PITPNM2: variants seen among roughly 807,000 people sequenced by gnomAD.
The protein encoded by PITPNM2 is phosphatidylinositol transfer protein membrane associated 2.
Under a neutral mutation model 132.2 loss-of-function variants are expected in PITPNM2, and 35 were observed. That is an observed-to-expected ratio of 0.26 (90% CI 0.20 to 0.35). The LOEUF (loss-of-function observed/expected upper bound fraction) is 0.35, where lower values mean the gene tolerates loss of function less well. PITPNM2 is among the 10% of genes least tolerant of loss of function. PITPNM2 has a pLI of 1.00. For missense variants in PITPNM2, 1,332 were observed against 1,912.0 expected, an observed-to-expected ratio of 0.70 and a Z score of 5.66; for synonymous variants, 738 against 799.2, an observed-to-expected ratio of 0.92 and a Z score of 1.29.
intron 1 of PITPNM2, among the ~76,000 whole-genome samples, chr12:123,146,141 C>T (rs1220387613): frequency 6.6e-6 from 1 of 151,986 alleles, no homozygotes; most frequent in Non-Finnish European, 1.5e-5. Flanking sequence ...GTAACACACA[C>T]TGGGACTTAT....
rs184909833 is a variant in PITPNM2, at chr12:123,097,105, C to T, written c.-96+13280G>A. Among the ~76,000 whole-genome samples, 299 of 152,212 alleles carry T rather than the reference C, an allele frequency of 2.0e-3. No individual in the cohort carries two copies. The highest frequency in any genetic ancestry group is 3.5e-3 in the Non-Finnish European group (239 of 68,008). On this transcript the variant is annotated intron_variant, in intron 2 of 25. Coordinates refer to ENST00000320201, the MANE Select transcript of PITPNM2 (RefSeq NM_020845.3). The surrounding 1 kb of genome is among the most constrained non-coding windows in gnomAD (Gnocchi z 4.7). ...TCGCCCAGGTTTGAGTGCAGTGGCA[C>T]GATCTTGGCTTGCTGCAACCTCTTC... is the stretch of plus-strand genomic sequence containing the variant.
At chr12:123,052,937 A>T (rs1422975811) in intron 2 of PITPNM2, among the ~76,000 whole-genome samples, 1 of 152,018 alleles carries the variant, frequency 6.6e-6, no homozygotes, top group African/African-American at 2.4e-5. Context: ...CTGGGGTACA[A>T]TGTCACCATC....
rs146884535 is a variant in PITPNM2 at position 122,995,505 on chromosome 12, G to A, written c.1938C>T (p.Val646=). 3.9e-4 allele frequency: 637 copies of A among 1,613,624 alleles called. 1 individual carries two copies. The highest frequency in any genetic ancestry group is 4.9e-4 in the Non-Finnish European group (581 of 1,180,012). ...ESSRHLSRSN[V]DIPRSNGTED... ...CAGTGCCGTTGCTGCGGGGGATGTC[G>A]ACGTTGCTTCGGCTCAGGTGCCGAC... The change falls in exon 14 of 26, where the codon GTC becomes GTT. Residue 646 remains valine, a synonymous_variant. Coordinates refer to ENST00000320201, the MANE Select transcript of PITPNM2 (RefSeq NM_020845.3).
At chr12:123,105,151 T>A (rs1227721273) in intron 2 of PITPNM2, among the ~76,000 whole-genome samples, 1 of 152,116 alleles carries the variant, frequency 6.6e-6, no homozygotes, top group Non-Finnish European at 1.5e-5. Flanking sequence ...CTCCTTCAGG[T>A]CTTCGCCTAA....
chr12:123,104,350 C>T (rs1278920202), intron 2 of PITPNM2, among the ~76,000 whole-genome samples: 2 of 152,226 alleles, frequency 1.3e-5, no homozygotes, highest in Non-Finnish European at 2.9e-5. Context: ...GTGACTTGCA[C>T]CTATACGCCC....
chr12:123,014,396 G>T (rs983558788), intron 3 of PITPNM2, among the ~76,000 whole-genome samples: 1 of 152,204 alleles, frequency 6.6e-6, no homozygotes, highest in African/African-American at 2.4e-5. Context: ...AAAGCAATTA[G>T]ACAAGAAAAG....
rs1198648430 is a variant in PITPNM2, at chr12:123,023,025, C to T, written c.79-8983G>A. 6.6e-6 allele frequency among the ~76,000 whole-genome samples: 1 copy of T among 152,220 alleles called. No homozygotes were observed. The highest frequency in any genetic ancestry group is 6.5e-5 in the Admixed American group (1 of 15,282). ...GGCATGACTCTGTCTCCTGGCTGGG[C>T]CAGCAGCTTCTCCTGCCCATTAGCC... is the stretch of plus-strand genomic sequence containing the variant. On this transcript the variant is annotated intron_variant, in intron 3 of 25. Transcript: ENST00000320201. The surrounding 1 kb of genome is among the most constrained non-coding windows in gnomAD (Gnocchi z 4.8).
In PITPNM2 at chr12:122,989,896, G is replaced by A. The variant is rs774997909; in HGVS notation, c.2622C>T (p.Leu874=). ...TGGTGGGGCTGGGGGCGGGCAGGGC[G>A]AGCAGGGACAGACGCCTGACGCTGG... The part of the protein sequence containing the change: ...HTPSVRRLSL[L]ALPAPSPTTP... Residue 874 remains leucine, a synonymous_variant, in exon 18 of 26, where the codon CTC becomes CTT. Coordinates refer to ENST00000320201, the MANE Select transcript of PITPNM2 (RefSeq NM_020845.3). 129 of 1,329,326 alleles carry A rather than the reference G, an allele frequency of 9.7e-5. No individual in the cohort carries two copies. The highest frequency in any genetic ancestry group is 1.1e-4 in the Non-Finnish European group (118 of 1,035,836). 82.3% of individuals were successfully genotyped at this position (1,329,326 alleles called of 1,614,324 possible). A position where few individuals can be genotyped will look rare whatever the true frequency, so the allele number is the denominator to read the frequency against.
At chr12:123,001,432 A>C (rs761310582) in intron 8 of PITPNM2, among the ~76,000 whole-genome samples, 2 of 152,136 alleles carry the variant, frequency 1.3e-5, no homozygotes, top group Non-Finnish European at 2.9e-5. Context: ...CACCTCCCTA[A>C]ATGGGAGCCT....
chr12:123,036,020 C>T lies in PITPNM2; in HGVS notation c.-95-1335G>A, dbSNP rs934322653. ...ACTACAGATGCACGCCACCCACACC[C>T]GGCTAACGGTAGTATTTTAGCAAGA... On this transcript the variant is annotated intron_variant, in intron 2 of 25. Transcript: ENST00000320201. The surrounding 1 kb of genome is among the most constrained non-coding windows in gnomAD (Gnocchi z 4.1). Among the ~76,000 whole-genome samples, 6 of 152,038 alleles carry T rather than the reference C, an allele frequency of 3.9e-5. No homozygotes were observed. The highest frequency in any genetic ancestry group is 7.4e-5 in the Non-Finnish European group (5 of 68,018).
chr12:123,018,273 TTTC>T (rs1392979647), intron 3 of PITPNM2, among the ~76,000 whole-genome samples: 1 of 137,972 alleles, frequency 7.2e-6, no homozygotes, highest in African/African-American at 2.5e-5. Context: ...TAATTTTTAA[TTTC>T]TTTTCTTTTT....
chr12:122,997,636 G>A (rs1387928497), intron 10 of PITPNM2, 64 bp from the exon 11 acceptor site: 8 of 1,568,548 alleles, frequency 5.1e-6, no homozygotes, highest in Non-Finnish European at 6.9e-6. Flanking sequence ...AGGCCCCTCT[G>A]TCACCCTTGT....
chr12:123,126,570 G>A (rs1166774348), intron 1 of PITPNM2, among the ~76,000 whole-genome samples: 3 of 152,196 alleles, frequency 2.0e-5, no homozygotes, highest in Non-Finnish European at 2.9e-5. Flanking sequence ...CACACTGAGT[G>A]AGTAAAGAAA....
At chr12:123,012,782 C>T (rs2039262952) in intron 4 of PITPNM2, 48 bp from the exon 5 acceptor site, 1 of 1,603,860 alleles carries the variant, frequency 6.2e-7, no homozygotes, top group Non-Finnish European at 8.5e-7. Context: ...TGGAGAGGCC[C>T]AGTGTCCTGG....
chr12:123,013,188 G>A (rs185670212), intron 4 of PITPNM2, among the ~76,000 whole-genome samples: 17 of 152,330 alleles, frequency 1.1e-4, no homozygotes, highest in African/African-American at 3.1e-4. Context: ...AAAAAGCTCC[G>A]TGGATCCCTC....
At chr12:123,059,196 A>T (rs778400358) in intron 2 of PITPNM2, among the ~76,000 whole-genome samples, 3 of 152,230 alleles carry the variant, frequency 2.0e-5, no homozygotes, top group Admixed American at 6.5e-5. Context: ...GCTCACAAGC[A>T]TGGGACCTTT....
At position 123,023,517 on chromosome 12, in the gene PITPNM2, G is replaced by A. The variant is rs571249806; in HGVS notation, c.79-9475C>T. ...AAGCAACATGTTTGGGCCACAAGCT[G>A]GAGGGTTAGAGGTAGCTGGCGAGGC... On this transcript the variant is annotated intron_variant, in intron 3 of 25. Coordinates refer to ENST00000320201, the MANE Select transcript of PITPNM2 (RefSeq NM_020845.3). The surrounding 1 kb of genome is among the most constrained non-coding windows in gnomAD (Gnocchi z 4.8). Among the ~76,000 whole-genome samples, 1 of 152,302 alleles carries A rather than the reference G, an allele frequency of 6.6e-6. No homozygotes were observed. The highest frequency in any genetic ancestry group is 1.9e-4 in the East Asian group (1 of 5,170).
At chr12:123,053,946 TGTGTGTGCA>T (rs946290852) in intron 2 of PITPNM2, among the ~76,000 whole-genome samples, 3 of 152,314 alleles carry the variant, frequency 2.0e-5, no homozygotes, top group Non-Finnish European at 2.9e-5. Context: ...TGTATTTATT[TGTGTGTGCA>T]GTGTGTGCAT....
chr12:123,071,651 T>C (rs1023741629), intron 2 of PITPNM2, among the ~76,000 whole-genome samples: 1 of 152,234 alleles, frequency 6.6e-6, no homozygotes, highest in African/African-American at 2.4e-5. Flanking sequence ...CAGAGCAATC[T>C]GACACTGGAG....
Sources: allele counts gnomAD v4.1 joint callset (sites outside exome capture counted in the v4.1 genomes callset), GRCh38; gene constraint gnomAD v4.1.1; non-coding constraint Gnocchi (gnomAD v3.1); transcripts MANE v1.5; gene names NCBI Gene and HGNC (gene_info 2026-07-23, HGNC 2026-07-21).